The following BIRC6 variants were observed in gnomAD, a reference collection of about 807,000 sequenced individuals.
BIRC6 encodes the protein baculoviral IAP repeat containing 6, also known as dual E2 ubiquitin-conjugating enzyme/E3 ubiquitin-protein ligase BIRC6.
A neutral mutation model predicts 503.3 loss-of-function variants in BIRC6; 98 were observed. The ratio of observed to expected loss-of-function variants is 0.19; its 90% confidence interval spans 0.17 to 0.23. BIRC6 has a LOEUF of 0.23. BIRC6 is among the 10% of genes least tolerant of loss of function. The probability of loss-of-function intolerance (pLI) is 1.00; values close to 1 mark genes in which losing one functional copy is unlikely to be tolerated. For synonymous variants in BIRC6, 2,240 were observed against 2,078.7 expected (o/e 1.08, Z -2.11); for missense variants, 5,360 against 5,806.0 (o/e 0.92, Z 2.50).
rs2042261791 is a variant in BIRC6, at chr2:32,415,081, C to G, written c.1790C>G (p.Thr597Ser). Residue 597 changes from threonine to serine, a missense_variant, in exon 10 of 74, where the codon ACT becomes AGT. By Grantham distance (58) the Thr-to-Ser change is moderately conservative. This residue lies in a region of BIRC6 where 700 missense variants were observed against 739.3 expected (regional missense o/e 0.95). Transcript: ENST00000421745. The stretch of plus-strand genomic sequence containing the variant: ...AGGTCACTGGATGGTTTAAGCAGAA[C>G]TCAGGGTGAAAGTATATCAGAACAA... The part of the protein sequence containing the change: ...SHRSLDGLSR[T>S]QGESISEQGS... The G allele has an allele frequency of 6.2e-7, 1 of 1,613,784 alleles. No individual in the cohort carries two copies. Among genetic ancestry groups the G allele is most frequent in the Non-Finnish European group, 8.5e-7 (1 of 1,179,846 alleles).
chr2:32,522,532 C>A lies in BIRC6; in HGVS notation c.11624-2356C>A, dbSNP rs984488723. 2.0e-5 allele frequency: 3 copies of A among 152,192 alleles called. No individual in the cohort carries two copies. In the East Asian group the frequency reaches 5.8e-4, roughly 29 times the overall value. 9.4% of individuals were successfully genotyped at this position (152,192 alleles called of 1,614,324 possible). On this transcript the variant is annotated intron_variant, in intron 57 of 73. Transcript: ENST00000421745. ...AAGCACATGAAATGAGACTAAGAAA[C>A]TAAATTTTTAGATTGAATTTTTAAT...
In BIRC6 at chr2:32,466,998, A is replaced by G. The variant is rs1238984412; in HGVS notation, c.5357-527A>G. The stretch of plus-strand genomic sequence containing the variant: ...GCCGGGCATGGCAGCGGGCGCCTGT[A>G]GTGCCAGCTACTTGGGATGCTGAGG... On this transcript the variant is annotated intron_variant, in intron 26 of 73. Coordinates refer to ENST00000421745, the MANE Select transcript of BIRC6 (RefSeq NM_016252.4). 2.0e-5 allele frequency among the ~76,000 whole-genome samples: 3 copies of G among 152,192 alleles called. No individual in the cohort carries two copies. In the East Asian group the frequency reaches 5.8e-4, roughly 29 times the overall value.
Position 32,607,633 on chromosome 2 carries a change from G to C in BIRC6, c.14249G>C (p.Cys4750Ser). ...GAACAAATCAGAAACCCTTCACCATGTTTTAAAGAGGTATGTTCAATAAAA... is the reference window on the plus strand; with the variant it reads ...GAACAAATCAGAAACCCTTCACCATCTTTTAAAGAGGTATGTTCAATAAAA... ...MLEQIRNPSPCFKEVIHKHFY... is the reference protein window; with the variant it reads ...MLEQIRNPSPSFKEVIHKHFY... Residue 4750 changes from cysteine (C) to serine (S), a missense_variant, in exon 72 of 74, where the codon TGT becomes TCT. Coordinates refer to ENST00000421745, the MANE Select transcript of BIRC6 (RefSeq NM_016252.4). 1 of 1,605,534 alleles carries C rather than the reference G, an allele frequency of 6.2e-7. No homozygotes were observed. Among genetic ancestry groups the C allele is most frequent in the Non-Finnish European group, 8.5e-7 (1 of 1,175,118 alleles).
chr2:32,501,697 C>A lies in BIRC6; in HGVS notation c.9032-16C>A. On this transcript the variant is annotated splice_polypyrimidine_tract_variant and intron_variant, in intron 46 of 73. Coordinates refer to ENST00000421745, the MANE Select transcript of BIRC6 (RefSeq NM_016252.4). ...GATATATATACTTTTAATGTGGTAT[C>A]TTTTATTTTTCTTAGGAGCAAGTGG... 2 of 1,601,794 alleles carry A rather than the reference C, an allele frequency of 1.2e-6. No homozygotes were observed. Among genetic ancestry groups the A allele is most frequent in the Non-Finnish European group, 1.7e-6 (2 of 1,174,942 alleles).
At chr2:32,456,628 G>A (rs1043149708) in intron 23 of BIRC6, among the ~76,000 whole-genome samples, 1 of 152,150 alleles carries the variant, frequency 6.6e-6, no homozygotes, top group Non-Finnish European at 1.5e-5. Flanking sequence ...TTGCAAATTT[G>A]TTGAGAATTG....
intron 61 of BIRC6, among the ~76,000 whole-genome samples, chr2:32,537,714 C>G (rs1189579881): frequency 6.6e-6 from 1 of 152,118 alleles, no homozygotes; most frequent in Non-Finnish European, 1.5e-5. Flanking sequence ...AGCCTGCAAT[C>G]CCAGCACTTT....
At position 32,468,658 on chromosome 2, in the gene BIRC6, G is replaced by A. The variant is rs2048809002; in HGVS notation, c.6002G>A (p.Ser2001Asn). 6.2e-7 allele frequency: 1 copy of A among 1,614,000 alleles called. No homozygotes were observed. The change falls in exon 29 of 74, where the codon AGC becomes AAC. Residue 2001 changes from serine to asparagine, a missense_variant. Around this residue, in one of 16 missense-constraint regions of BIRC6, gnomAD observed 2,299 missense variants for 2,267.2 expected, o/e 1.01. Transcript: ENST00000421745. ...AGGCTCAAAGTGGCGCTAGGTGCAA[G>A]CCGGAAGATGTTGAGTGAAACATCA... ...VQRLKVALGA[S>N]RKMLSETSNP...
At chr2:32,596,976 A>T (rs1331081957) in intron 68 of BIRC6, among the ~76,000 whole-genome samples, 1 of 152,232 alleles carries the variant, frequency 6.6e-6, no homozygotes, top group African/African-American at 2.4e-5. Context: ...GAGTTCTCTC[A>T]TACTACATAA....
chr2:32,508,276 CTTTTTTTTTTTT>C lies in BIRC6; in HGVS notation c.9980+33_9980+44del, dbSNP rs10528992. 1.7e-3 allele frequency: 1,449 copies of C among 864,332 alleles called. 2 individuals carry two copies. Among genetic ancestry groups the C allele is most frequent in the Middle Eastern group, 4.8e-3 (11 of 2,290 alleles). 53.5% of individuals were successfully genotyped at this position (864,332 alleles called of 1,614,324 possible). ...CAAAACAAGGTATGTTTTGTTTGTC[CTTTTTTTTTTTT>C]TTTTTTTTTTTTTTTGGCATGGTTG... On this transcript the variant is annotated intron_variant, in intron 51 of 73. Coordinates refer to ENST00000421745, the MANE Select transcript of BIRC6 (RefSeq NM_016252.4).
At position 32,543,236 on chromosome 2, in the gene BIRC6, T is replaced by C. The variant is rs1489828400; in HGVS notation, c.12292-5T>C. ...GGCCAAGCCAACACTTTTCTTTTTC[T>C]TTAGGTGAGTGCTCCAGTTGTAACA... On this transcript the variant is annotated splice_region_variant and splice_polypyrimidine_tract_variant and intron_variant, in intron 61 of 73. Coordinates refer to ENST00000421745, the MANE Select transcript of BIRC6 (RefSeq NM_016252.4). 1 of 1,611,688 alleles carries C rather than the reference T, an allele frequency of 6.2e-7. No homozygotes were observed. The highest frequency in any genetic ancestry group is 1.7e-5 in the Admixed American group (1 of 59,930).
intron 66 of BIRC6, among the ~76,000 whole-genome samples, chr2:32,588,097 C>T (rs1349298768): frequency 2.0e-5 from 3 of 152,122 alleles, no homozygotes; most frequent in Non-Finnish European, 4.4e-5. Context: ...TGGTGGCTCA[C>T]GCCTGTAATC....
In BIRC6 at chr2:32,488,490, T is replaced by A. The variant is rs138269534; in HGVS notation, c.7969-98T>A. ...GAAGTGTTTAATAGAAAAGGTTATT[T>A]ACTCGTGACAAGAATTTAAACATAA... On this transcript the variant is annotated intron_variant, in intron 41 of 73. Transcript: ENST00000421745. 678 of 1,038,382 alleles carry A rather than the reference T, an allele frequency of 6.5e-4. 7 individuals carry two copies. In the African/African-American group the frequency reaches 0.01, roughly 16 times the overall value. The allele number at this position is 1,038,382 out of a possible 1,614,324, so 64.3% of individuals were successfully genotyped here. A position where few individuals can be genotyped will look rare whatever the true frequency, so the allele number is the denominator to read the frequency against.
chr2:32,449,931 G>T (rs907431795), intron 22 of BIRC6, among the ~76,000 whole-genome samples: 2 of 152,178 alleles, frequency 1.3e-5, no homozygotes, highest in African/African-American at 4.8e-5. Flanking sequence ...TTAGGCTCTT[G>T]ATTGCCTTAC....
At chr2:32,578,499 A>C (rs906984100) in intron 66 of BIRC6, among the ~76,000 whole-genome samples, 11 of 152,116 alleles carry the variant, frequency 7.2e-5, no homozygotes, top group Non-Finnish European at 1.5e-4. Context: ...TAACTTTAAA[A>C]ATGCTGTGTA....
Position 32,499,834 on chromosome 2 carries a change from TGTTTGATTTGTTAAAACTTG to T in BIRC6, c.8757_8776del (p.Met2919IlefsTer2). 6.2e-7 allele frequency: 1 copy of T among 1,614,058 alleles called. No individual in the cohort carries two copies. The highest frequency in any genetic ancestry group is 8.5e-7 in the Non-Finnish European group (1 of 1,179,910). On this transcript the variant is annotated frameshift_variant, in exon 46 of 74. Coordinates refer to ENST00000421745, the MANE Select transcript of BIRC6 (RefSeq NM_016252.4). LOFTEE classifies it high-confidence loss of function. ...GGCGAAATGACAAGAGATCAACTCA[TGTTTGATTTGTTAAAACTTG>T]TTAACATTTTAGTGCAGCTGCCTCT...
chr2:32,537,849 C>T lies in BIRC6; in HGVS notation c.12292-5392C>T, dbSNP rs560115835. Among the ~76,000 whole-genome samples the T allele has an allele frequency of 3.3e-5, 5 of 151,856 alleles. No homozygotes were observed. The South Asian group carries it at 1.0e-3, about 32-fold the overall frequency. On this transcript the variant is annotated intron_variant, in intron 61 of 73. Coordinates refer to ENST00000421745, the MANE Select transcript of BIRC6 (RefSeq NM_016252.4). Reference sequence around the variant, plus strand: ...GGCGGGGTGGCAGGTGCCTGTAGTCCCAGCTACTCTGGAGGCTGAGGCAGG... The same window carrying T: ...GGCGGGGTGGCAGGTGCCTGTAGTCTCAGCTACTCTGGAGGCTGAGGCAGG...
intron 33 of BIRC6, among the ~76,000 whole-genome samples, chr2:32,475,913 A>T (rs879706335): frequency 9.2e-5 from 14 of 151,930 alleles, no homozygotes; most frequent in Admixed American, 7.9e-4. Flanking sequence ...TTAAAAGTAA[A>T]TTTTTTTCTC....
At chr2:32,442,287 T>G in intron 18 of BIRC6, 37 bp from the exon 19 acceptor site, 1 of 1,609,798 alleles carries the variant, frequency 6.2e-7, no homozygotes, top group South Asian at 1.1e-5. Context: ...TGATTGAAAG[T>G]TCAGGATGAG....
At position 32,420,621 on chromosome 2, in the gene BIRC6, C is replaced by G. The variant is rs550640345; in HGVS notation, c.2872+4458C>G. On this transcript the variant is annotated intron_variant, in intron 10 of 73. Coordinates refer to ENST00000421745, the MANE Select transcript of BIRC6 (RefSeq NM_016252.4). ...CTCTGCCTCCTGGGTTCAAGTGATTCTGTCACCTCAGCCTCCCGAGTAGCT... is the reference window on the plus strand; with the variant it reads ...CTCTGCCTCCTGGGTTCAAGTGATTGTGTCACCTCAGCCTCCCGAGTAGCT... Among the ~76,000 whole-genome samples the G allele has an allele frequency of 3.3e-5, 5 of 152,202 alleles. No homozygotes were observed. The South Asian group carries it at 1.0e-3, about 32-fold the overall frequency.
Sources: allele counts gnomAD v4.1 joint callset (sites outside exome capture counted in the v4.1 genomes callset), GRCh38; gene constraint gnomAD v4.1.1; regional missense constraint gnomAD v4.1.1; transcripts MANE v1.5; gene names NCBI Gene and HGNC (gene_info 2026-07-23, HGNC 2026-07-21).